The following STARD10 variants were observed in gnomAD, a reference collection of about 807,000 sequenced individuals.
STARD10 encodes the protein StAR related lipid transfer domain containing 10, also known as START domain-containing protein 10.
STARD10 carries 24 observed loss-of-function variants against 36.0 expected under a neutral mutation model. The ratio of observed to expected loss-of-function variants is 0.67; its 90% CI spans 0.48 to 0.94. The LOEUF is 0.94. STARD10 is among the 40% of genes least tolerant of loss of function. The pLI is 0.00. For missense variants in STARD10, 335 were observed against 396.6 expected (o/e 0.84, Z 1.32); for synonymous variants, 156 against 161.9 (o/e 0.96, Z 0.28).
At chr11:72,786,926 T>A (rs1374880423) in intron 1 of STARD10, among the ~76,000 whole-genome samples, 1 of 151,756 alleles carries the variant, frequency 6.6e-6, no homozygotes, top group African/African-American at 2.4e-5. Flanking sequence ...CAAAAAAATG[T>A]AAAACTTAGC....
intron 2 of STARD10, chr11:72,780,045 G>A (rs570464775): frequency 1.6e-4 from 51 of 309,714 alleles, no homozygotes; most frequent in African/African-American, 8.5e-4. Flanking sequence ...AGAGGAAGGC[G>A]AAGGGCACAG....
intron 1 of STARD10, among the ~76,000 whole-genome samples, chr11:72,784,806 T>C (rs755200962): frequency 1.1e-4 from 16 of 152,234 alleles, no homozygotes; most frequent in African/African-American, 3.4e-4. Context: ...AGAGTGGGCA[T>C]AGAAGGTGAG....
At chr11:72,763,870 G>A (rs1858752356) in intron 2 of STARD10, among the ~76,000 whole-genome samples, 1 of 152,268 alleles carries the variant, frequency 6.6e-6, no homozygotes, top group East Asian at 1.9e-4. Flanking sequence ...CCTAGCTGGT[G>A]GTCGCTGTTA....
At chr11:72,759,123 G>C (rs370522460) in intron 3 of STARD10, 111 bp downstream of exon 3, 1 of 1,355,660 alleles carries the variant, frequency 7.4e-7, no homozygotes, top group East Asian at 2.5e-5. Context: ...TCAAGTCTCC[G>C]AGCAGCTTGG....
intron 2 of STARD10, 74 bp downstream of exon 2, chr11:72,780,901 G>T: frequency 1.3e-6 from 2 of 1,483,058 alleles, no homozygotes; most frequent in Non-Finnish European, 1.9e-6. Flanking sequence ...CTAGCCCGGA[G>T]AGAGGACCAG....
intron 2 of STARD10, among the ~76,000 whole-genome samples, chr11:72,768,452 C>T (rs1858819127): frequency 5.9e-5 from 9 of 151,690 alleles, no homozygotes. Flanking sequence ...CTCCCCCCGC[C>T]CCCCAAAAAA....
At chr11:72,791,473 G>A (rs1251978157) in intron 1 of STARD10, among the ~76,000 whole-genome samples, 4 of 152,072 alleles carry the variant, frequency 2.6e-5, no homozygotes, top group Admixed American at 6.6e-5. Context: ...GGGAGGCCGC[G>A]AATGGATCAC....
At chr11:72,778,006 G>A (rs1258496625) in intron 2 of STARD10, among the ~76,000 whole-genome samples, 3 of 152,180 alleles carry the variant, frequency 2.0e-5, no homozygotes, top group Non-Finnish European at 2.9e-5. Flanking sequence ...GCCTCCTGGA[G>A]TGACCCAGTC....
At chr11:72,787,840 CT>C (rs1050040932) in intron 1 of STARD10, among the ~76,000 whole-genome samples, 13 of 152,254 alleles carry the variant, frequency 8.5e-5, no homozygotes, top group African/African-American at 3.1e-4. Context: ...ACCACAGCTT[CT>C]TTTCTGGCAA....
intron 1 of STARD10, among the ~76,000 whole-genome samples, chr11:72,787,637 G>C (rs1229842473): frequency 6.6e-6 from 1 of 152,234 alleles, no homozygotes; most frequent in Non-Finnish European, 1.5e-5. Context: ...CGATTGCGGG[G>C]TCGATGCGTC....
Position 72,781,337 on chromosome 11 carries a change from G to A in STARD10, c.-113-43C>T. The A allele has an allele frequency of 1.6e-6, 1 of 641,950 alleles. No individual in the cohort carries two copies. Among genetic ancestry groups the A allele is most frequent in the Non-Finnish European group, 2.7e-6 (1 of 370,754 alleles). The allele number at this position is 641,950 out of a possible 1,614,324, so 39.8% of individuals were successfully genotyped here. A position where few individuals can be genotyped will look rare whatever the true frequency, so the allele number is the denominator to read the frequency against. ...GGACGGGAATCAGTGCGCTGGGGGC[G>A]CGGGTGGGGCTGTTCGGGGTCCTGG... On this transcript the variant is annotated intron_variant, in intron 1 of 6. Coordinates refer to ENST00000334805, the MANE Select transcript of STARD10 (RefSeq NM_006645.3). The surrounding 1 kb of genome is among the most constrained non-coding windows in gnomAD (Gnocchi z 4.7).
At position 72,761,917 on chromosome 11, in the gene STARD10, CTTTTTTT is replaced by C. The variant is rs1189000490; in HGVS notation, c.208-2543_208-2537del. On this transcript the variant is annotated intron_variant, in intron 2 of 6. Coordinates refer to ENST00000334805, the MANE Select transcript of STARD10 (RefSeq NM_006645.3). ...TCTGTATTTCTTTTTCTTTTCTTTT[CTTTTTTT>C]TTTTTTTTTTTTTTTTTTGAGATGG... Among the ~76,000 whole-genome samples the C allele has an allele frequency of 1.7e-3, 62 of 37,478 alleles. 2 individuals are homozygous for C. Among genetic ancestry groups the C allele is most frequent in the Admixed American group, 0.013 (42 of 3,168 alleles). The allele number at this position is 37,478 out of a possible 152,430, so 24.6% of individuals were successfully genotyped here.
At chr11:72,788,363 T>TACAG (rs985642141) in intron 1 of STARD10, among the ~76,000 whole-genome samples, 4 of 152,072 alleles carry the variant, frequency 2.6e-5, no homozygotes, top group African/African-American at 9.7e-5. Context: ...AGTGACAACC[T>TACAG]ACAGACCTCT....
At position 72,756,633 on chromosome 11, in the gene STARD10, G is replaced by A. The variant is rs528113325; in HGVS notation, c.578-880C>T. Among the ~76,000 whole-genome samples the A allele has an allele frequency of 1.4e-4, 22 of 152,260 alleles. No homozygotes were observed. The East Asian group carries it at 3.3e-3, about 23-fold the overall frequency. Reference sequence around the variant, plus strand: ...GCTGCCTGGGCACAGAAGTGGGGATGGGTGAGGTGTGAGAGACACCAGGAG... The same window carrying A: ...GCTGCCTGGGCACAGAAGTGGGGATAGGTGAGGTGTGAGAGACACCAGGAG... On this transcript the variant is annotated intron_variant, in intron 5 of 6. Coordinates refer to ENST00000334805, the MANE Select transcript of STARD10 (RefSeq NM_006645.3).
At chr11:72,785,592 A>C (rs1237415024) in intron 1 of STARD10, among the ~76,000 whole-genome samples, 16 of 144,000 alleles carry the variant, frequency 1.1e-4, no homozygotes, top group Admixed American at 1.1e-3. Context: ...AAAAAAGGGA[A>C]TAAGAACCTG....
At chr11:72,756,380 T>TTCACTCAC (rs371400534) in intron 5 of STARD10, among the ~76,000 whole-genome samples, 2 of 151,954 alleles carry the variant, frequency 1.3e-5, no homozygotes, top group Non-Finnish European at 1.5e-5. Context: ...CCTCTAGTCA[T>TTCACTCAC]TCACTCACTC....
chr11:72,762,961 G>C (rs1858740277), intron 2 of STARD10, among the ~76,000 whole-genome samples: 1 of 152,204 alleles, frequency 6.6e-6, no homozygotes, highest in Admixed American at 6.5e-5. Flanking sequence ...TATAAGATGA[G>C]CATGGAACAT....
chr11:72,780,670 G>A, intron 2 of STARD10: 1 of 457,390 alleles, frequency 2.2e-6, no homozygotes. Flanking sequence ...GGTCCCTGAG[G>A]GAGACCACTC....
chr11:72,787,111 T>C (rs1428163113), intron 1 of STARD10, among the ~76,000 whole-genome samples: 1 of 123,620 alleles, frequency 8.1e-6, no homozygotes, highest in East Asian at 2.4e-4. Flanking sequence ...AAAAAGGAAA[T>C]GGGACAGCTG....
Sources: gnomAD v4.1 joint callset for allele counts (sites outside exome capture counted in the v4.1 genomes callset) on GRCh38, gnomAD v4.1.1 for gene constraint, Gnocchi (gnomAD v3.1) non-coding constraint, MANE v1.5 for transcripts, NCBI Gene and HGNC (gene_info 2026-07-23, HGNC 2026-07-21) for gene names.